SPATA13: variants seen among roughly 807,000 people sequenced by gnomAD.
SPATA13 encodes the protein spermatogenesis-associated protein 13.
SPATA13 carries 50 observed loss-of-function variants against 104.0 expected under a neutral mutation model. The observed-to-expected ratio is 0.48, with a 90% CI of 0.38 to 0.61. The LOEUF (loss-of-function observed/expected upper bound fraction) is 0.61. SPATA13 is among the 20% of genes least tolerant of loss of function. The pLI is 0.00. For synonymous variants in SPATA13, 606 were observed against 667.5 expected (o/e 0.91, Z 1.42); for missense variants, 1,524 against 1,690.6 (o/e 0.90, Z 1.73).
intron 3 of SPATA13, among the ~76,000 whole-genome samples, chr13:24,107,056 G>GA (rs972516312): frequency 1.6e-4 from 23 of 148,176 alleles, no homozygotes; most frequent in African/African-American, 2.7e-4. Context: ...TAAGGACGGG[G>GA]AAAAAAAAAA....
intron 1 of SPATA13, among the ~76,000 whole-genome samples, chr13:24,185,983 C>A (rs1314158353): frequency 6.6e-6 from 1 of 152,154 alleles, no homozygotes; most frequent in Non-Finnish European, 1.5e-5. Context: ...TTTCTGGAGA[C>A]TTCAGTCTTT....
At chr13:24,212,156 T>G (rs1375627217) in intron 1 of SPATA13, among the ~76,000 whole-genome samples, 1 of 152,126 alleles carries the variant, frequency 6.6e-6, no homozygotes, top group East Asian at 1.9e-4. Flanking sequence ...CTCTTGCCTG[T>G]AGTCCCAGTA....
intron 3 of SPATA13, among the ~76,000 whole-genome samples, chr13:24,129,977 C>G (rs1455842417): frequency 2.0e-5 from 3 of 152,212 alleles, no homozygotes; most frequent in African/African-American, 7.2e-5. Context: ...GGGAGTCCCT[C>G]CAGGTCCTCT....
intron 2 of SPATA13, among the ~76,000 whole-genome samples, chr13:24,009,734 A>C (rs1566070830): frequency 6.6e-6 from 1 of 152,354 alleles, no homozygotes; most frequent in East Asian, 1.9e-4. Context: ...TCCAGGTAGC[A>C]GGCTTCAGAG....
intron 1 of SPATA13, among the ~76,000 whole-genome samples, chr13:24,182,535 A>T (rs1192560620): frequency 6.6e-6 from 1 of 151,972 alleles, no homozygotes; most frequent in Non-Finnish European, 1.5e-5. Context: ...TGGGCCCTTT[A>T]AACAGCCAGC....
chr13:24,180,454 A>T (rs528946640), intron 1 of SPATA13, among the ~76,000 whole-genome samples: 142 of 152,282 alleles, frequency 9.3e-4, no homozygotes, highest in African/African-American at 3.3e-3. Flanking sequence ...TTTTCTTTTC[A>T]AGATTGTTTA....
At chr13:23,983,346 C>G (rs1300839566) in intron 1 of SPATA13, among the ~76,000 whole-genome samples, 1 of 152,268 alleles carries the variant, frequency 6.6e-6, no homozygotes, top group African/African-American at 2.4e-5. Context: ...ATAAGGACAC[C>G]AGTCATACTG....
intron 2 of SPATA13, among the ~76,000 whole-genome samples, chr13:24,243,613 G>T (rs897157349): frequency 6.6e-6 from 1 of 152,164 alleles, no homozygotes; most frequent in Non-Finnish European, 1.5e-5. Context: ...GTAAAATTCT[G>T]TGAAGAGTAC....
intron 2 of SPATA13, among the ~76,000 whole-genome samples, chr13:24,236,426 A>G (rs895078617): frequency 6.6e-6 from 1 of 151,956 alleles, no homozygotes; most frequent in Non-Finnish European, 1.5e-5. Context: ...CCTTGTCTCT[A>G]CTAAAAATAT....
At chr13:24,025,963 C>T (rs1877194992) in intron 3 of SPATA13, among the ~76,000 whole-genome samples, 2 of 152,040 alleles carry the variant, frequency 1.3e-5, no homozygotes, top group Admixed American at 6.6e-5. Flanking sequence ...TAGCACCACG[C>T]CTGGCTAATT....
At chr13:24,021,137 T>C (rs1049581479) in intron 3 of SPATA13, among the ~76,000 whole-genome samples, 4 of 152,240 alleles carry the variant, frequency 2.6e-5, no homozygotes, top group African/African-American at 9.6e-5. Context: ...GAAGGTATAT[T>C]GAGTTTCCAC....
chr13:24,290,465 G>A (rs1215060852), intron 8 of SPATA13, among the ~76,000 whole-genome samples, 187 bp from the exon 9 acceptor site: 1 of 152,094 alleles, frequency 6.6e-6, no homozygotes, highest in East Asian at 1.9e-4. Context: ...TCGCCGGCCA[G>A]ATAACGCTTG....
chr13:24,122,619 G>A, intron 3 of SPATA13: 1 of 1,427,398 alleles, frequency 7.0e-7, no homozygotes, highest in Non-Finnish European at 9.9e-7. Flanking sequence ...TGCAACTCCT[G>A]TAAGAACCTT....
chr13:24,067,501 A>G (rs1473975260), intron 3 of SPATA13, among the ~76,000 whole-genome samples: 1 of 152,216 alleles, frequency 6.6e-6, no homozygotes, highest in Non-Finnish European at 1.5e-5. Context: ...CAAAAATACA[A>G]GTAGATTCAA....
chr13:24,125,125 C>T (rs1014101399), intron 3 of SPATA13, among the ~76,000 whole-genome samples: 2 of 152,228 alleles, frequency 1.3e-5, no homozygotes, highest in African/African-American at 4.8e-5. Flanking sequence ...GACCCATACC[C>T]TCTGTGAGGC....
rs148590180 is a variant in SPATA13 at position 24,233,237 on chromosome 13, A to G, written c.1653+8655A>G. On this transcript the variant is annotated intron_variant, in intron 2 of 12. Transcript: ENST00000382108. ...AGTTAGAAAGATAATTTTTAAATAT[A>G]ATATTATGTGTGCTTTCAAAAAATG... Among the ~76,000 whole-genome samples, 83 of 152,310 alleles carry G rather than the reference A, an allele frequency of 5.4e-4. 1 individual carries two copies. The highest frequency in any genetic ancestry group is 1.8e-3 in the African/African-American group (76 of 41,560).
intron 2 of SPATA13, among the ~76,000 whole-genome samples, chr13:24,246,277 TTAA>T (rs1566170505): frequency 6.6e-6 from 1 of 152,254 alleles, no homozygotes; most frequent in Non-Finnish European, 1.5e-5. Context: ...CACTATGTAC[TTAA>T]GTTGTCTGTG....
rs985150463 is a variant in SPATA13 at position 24,305,844 on chromosome 13, A to G, written c.*3071A>G. The G allele has an allele frequency of 3.9e-5, 6 of 152,214 alleles. No individual in the cohort carries two copies. Among genetic ancestry groups the G allele is most frequent in the Non-Finnish European group, 7.3e-5 (5 of 68,044 alleles). The allele number at this position is 152,214 out of a possible 1,614,324, so 9.4% of individuals were successfully genotyped here. ...CTTTTCAATTGTGATCATACCTAAAACATATAAAAACCCTGCCGTAGATTA... is the reference window on the plus strand; with the variant it reads ...CTTTTCAATTGTGATCATACCTAAAGCATATAAAAACCCTGCCGTAGATTA... On this transcript the variant is annotated 3_prime_UTR_variant, in exon 13 of 13. Transcript: ENST00000382108.
At position 24,302,818 on chromosome 13, in the gene SPATA13, A is replaced by G. The variant is rs1877303870; in HGVS notation, c.*45A>G. The G allele has an allele frequency of 6.2e-7, 1 of 1,612,352 alleles. No homozygotes were observed. The highest frequency in any genetic ancestry group is 8.5e-7 in the Non-Finnish European group (1 of 1,178,884). ...CATGGAGCTGGGTGTCAAGAGAAGA[A>G]CTGTCTTTGTTTCTTGTGTGCTTCA... is the stretch of plus-strand genomic sequence containing the variant. On this transcript the variant is annotated 3_prime_UTR_variant, in exon 13 of 13. Transcript: ENST00000382108.
Sources: allele counts gnomAD v4.1 joint callset (sites outside exome capture counted in the v4.1 genomes callset), GRCh38; gene constraint gnomAD v4.1.1; transcripts MANE v1.5; gene names NCBI Gene and HGNC (gene_info 2026-07-23, HGNC 2026-07-21).